The following PRKAR2B variants were observed in gnomAD, a reference collection of about 807,000 sequenced individuals.
PRKAR2B encodes protein kinase cAMP-dependent type II regulatory subunit beta.
In PRKAR2B, 14 loss-of-function variants were observed where a neutral mutation model predicts 49.9. That is an observed-to-expected ratio of 0.28 (90% CI 0.19 to 0.44). PRKAR2B has a LOEUF of 0.44. Ranked by LOEUF, PRKAR2B falls within the 20% of genes least tolerant of loss-of-function variation. The pLI, the probability that PRKAR2B is intolerant of heterozygous loss-of-function variation, is 1.00. For synonymous variants in PRKAR2B, 196 were observed against 197.7 expected (o/e 0.99, Z 0.07); for missense variants, 393 against 537.9 (o/e 0.73, Z 2.67).
Position 107,045,166 on chromosome 7 carries a change from G to A in PRKAR2B, c.259G>A (p.Asp87Asn), listed in dbSNP as rs1417462170. The change falls in exon 1 of 11, where the codon GAC becomes AAC. Residue 87 changes from aspartate (D) to asparagine (N), a missense_variant. Around this residue, in one of 2 missense-constraint regions of PRKAR2B, gnomAD observed 160 missense variants for 147.6 expected, o/e 1.08. Coordinates refer to ENST00000265717, the MANE Select transcript of PRKAR2B (RefSeq NM_002736.3). ...GGAGCCCATGCAGTCCGACTCCGAG[G>A]ACGGGGAGGAGGAGGAGGCGGCGCC... ...AEEPMQSDSE[D>N]GEEEEAAPAD... 1.5e-5 allele frequency: 22 copies of A among 1,483,862 alleles called. No homozygotes were observed. The highest frequency in any genetic ancestry group is 2.0e-5 in the Non-Finnish European group (22 of 1,117,262). The allele number at this position is 1,483,862 out of a possible 1,614,324, so 91.9% of individuals were successfully genotyped here. A position where few individuals can be genotyped will look rare whatever the true frequency, so the allele number is the denominator to read the frequency against.
chr7:107,103,362 A>G (rs1003911959), intron 2 of PRKAR2B, among the ~76,000 whole-genome samples: 13 of 152,234 alleles, frequency 8.5e-5, no homozygotes, highest in Non-Finnish European at 1.5e-4. Flanking sequence ...TTTCCTCTAT[A>G]CCTTTGATGT....
At chr7:107,127,470 C>T (rs1217662849) in intron 3 of PRKAR2B, among the ~76,000 whole-genome samples, 1 of 152,250 alleles carries the variant, frequency 6.6e-6, no homozygotes, top group African/African-American at 2.4e-5. Context: ...GCCACACTTA[C>T]ACACACGGCA....
intron 2 of PRKAR2B, among the ~76,000 whole-genome samples, chr7:107,099,482 C>T (rs28884837): frequency 0.024 from 3,715 of 152,164 alleles, 144 homozygotes; most frequent in African/African-American, 0.082. Context: ...GGCGATGCCC[C>T]GCCCTGCACC....
At chr7:107,054,122 G>A (rs1040011406) in intron 1 of PRKAR2B, among the ~76,000 whole-genome samples, 4 of 152,166 alleles carry the variant, frequency 2.6e-5, no homozygotes, top group Non-Finnish European at 5.9e-5. Flanking sequence ...GGCCGAGGCG[G>A]GCGAATCATG....
chr7:107,086,978 A>G (rs1230077809), intron 2 of PRKAR2B, among the ~76,000 whole-genome samples: 4 of 152,190 alleles, frequency 2.6e-5, no homozygotes, highest in African/African-American at 4.8e-5. Context: ...AAGATTATGT[A>G]TACTTCATGG....
chr7:107,110,969 G>C (rs1266950624), intron 2 of PRKAR2B, among the ~76,000 whole-genome samples: 1 of 151,912 alleles, frequency 6.6e-6, no homozygotes, highest in African/African-American at 2.4e-5. Flanking sequence ...GTGGGCTTTT[G>C]GGGTCCCCAA....
intron 1 of PRKAR2B, among the ~76,000 whole-genome samples, chr7:107,056,317 A>G (rs1033177751): frequency 4.6e-5 from 7 of 152,170 alleles, no homozygotes; most frequent in East Asian, 1.9e-4. Flanking sequence ...TTGGTTCCAT[A>G]TGAACTTTAA....
At chr7:107,094,601 G>C (rs1402255633) in intron 2 of PRKAR2B, among the ~76,000 whole-genome samples, 1 of 152,156 alleles carries the variant, frequency 6.6e-6, no homozygotes, top group East Asian at 1.9e-4. Flanking sequence ...GTCCTGAATG[G>C]TACTGGCTAG....
intron 3 of PRKAR2B, among the ~76,000 whole-genome samples, chr7:107,127,878 G>T (rs1795527131): frequency 6.6e-6 from 1 of 152,190 alleles, no homozygotes; most frequent in Non-Finnish European, 1.5e-5. Flanking sequence ...GGTCCCCACT[G>T]GCTGGGAGCT....
intron 4 of PRKAR2B, among the ~76,000 whole-genome samples, chr7:107,136,673 C>T (rs1288940822): frequency 6.6e-6 from 1 of 152,178 alleles, no homozygotes; most frequent in African/African-American, 2.4e-5. Context: ...TGCTGGTGAA[C>T]ATAGGTGGTT....
intron 8 of PRKAR2B, among the ~76,000 whole-genome samples, chr7:107,156,054 A>G (rs578037512): frequency 3.3e-4 from 51 of 152,296 alleles, no homozygotes; most frequent in African/African-American, 1.2e-3. Flanking sequence ...GAGTTGAACA[A>G]TAAGAACACA....
At chr7:107,141,306 A>G (rs1426357227) in intron 5 of PRKAR2B, among the ~76,000 whole-genome samples, 1 of 152,260 alleles carries the variant, frequency 6.6e-6, no homozygotes, top group Non-Finnish European at 1.5e-5. Flanking sequence ...ATAATATAAC[A>G]TCTGAGATAT....
intron 2 of PRKAR2B, among the ~76,000 whole-genome samples, chr7:107,094,993 T>G (rs1442371450): frequency 6.6e-6 from 1 of 150,692 alleles, no homozygotes; most frequent in Non-Finnish European, 1.5e-5. Context: ...ATACGGGCTC[T>G]TTTTTGGCTC....
chr7:107,102,812 A>C (rs906476320), intron 2 of PRKAR2B, among the ~76,000 whole-genome samples: 1 of 152,076 alleles, frequency 6.6e-6, no homozygotes. Context: ...CTGGGATTAC[A>C]GGCGCCCGCC....
intron 2 of PRKAR2B, among the ~76,000 whole-genome samples, chr7:107,082,503 T>C (rs1200868417): frequency 6.6e-6 from 1 of 152,214 alleles, no homozygotes; most frequent in Non-Finnish European, 1.5e-5. Context: ...TATATTTTAT[T>C]GACTAATAAA....
chr7:107,104,880 G>T (rs57521066), intron 2 of PRKAR2B, among the ~76,000 whole-genome samples: 10 of 152,256 alleles, frequency 6.6e-5, no homozygotes, highest in South Asian at 2.1e-4. Context: ...GGAGCTATTG[G>T]AGCTATTAGG....
intron 5 of PRKAR2B, among the ~76,000 whole-genome samples, chr7:107,142,062 C>T (rs1451825369): frequency 6.6e-6 from 1 of 152,128 alleles, no homozygotes; most frequent in African/African-American, 2.4e-5. Flanking sequence ...CAATTGGCAT[C>T]CCTGACCCCT....
chr7:107,093,517 T>C (rs1794772406), intron 2 of PRKAR2B, among the ~76,000 whole-genome samples: 1 of 152,078 alleles, frequency 6.6e-6, no homozygotes, highest in Non-Finnish European at 1.5e-5. Context: ...TTTTTCTTTT[T>C]TTTTTTTATT....
At chr7:107,147,059 A>G (rs1286969221) in intron 6 of PRKAR2B, among the ~76,000 whole-genome samples, 1 of 146,288 alleles carries the variant, frequency 6.8e-6, no homozygotes, top group Non-Finnish European at 1.5e-5. Flanking sequence ...TGTGCCCCAC[A>G]TCAGAATTAC....
Sources: gnomAD v4.1 joint callset for allele counts (sites outside exome capture counted in the v4.1 genomes callset) on GRCh38, gnomAD v4.1.1 for gene constraint, gnomAD v4.1.1 regional missense constraint, MANE v1.5 for transcripts, NCBI Gene and HGNC (gene_info 2026-07-23, HGNC 2026-07-21) for gene names.